SYNDIG1: variants seen among roughly 807,000 people sequenced by gnomAD.
The protein encoded by SYNDIG1 is synapse differentiation inducing 1, also known as synapse differentiation-inducing gene protein 1.
Under a neutral mutation model 19.4 loss-of-function variants are expected in SYNDIG1, and 9 were observed. That is an observed-to-expected ratio of 0.46 (90% confidence interval 0.28 to 0.81). SYNDIG1 has a LOEUF of 0.81. Ranked by LOEUF, SYNDIG1 falls within the 30% of genes least tolerant of loss-of-function variation. The pLI is 0.12. For synonymous variants in SYNDIG1, 141 were observed against 145.9 expected (o/e 0.97, Z 0.24); for missense variants, 311 against 343.3 (o/e 0.91, Z 0.74).
rs562410740 is a variant in SYNDIG1 at position 24,512,847 on chromosome 20, C to G, written c.-78-30173C>G. Reference sequence around the variant, plus strand: ...TGCCTCCTCAAGTGGGCCCCTGACCCCCGAGTAGCCTAACTGGGAGGCAAA... The same window carrying G: ...TGCCTCCTCAAGTGGGCCCCTGACCGCCGAGTAGCCTAACTGGGAGGCAAA... On this transcript the variant is annotated intron_variant, in intron 1 of 3. Transcript: ENST00000376862. Among the ~76,000 whole-genome samples, 6 of 152,314 alleles carry G rather than the reference C, an allele frequency of 3.9e-5. No homozygotes were observed. In the East Asian group the frequency reaches 1.2e-3, roughly 29 times the overall value.
chr20:24,565,984 G>C (rs1459301260), intron 2 of SYNDIG1, among the ~76,000 whole-genome samples: 2 of 152,116 alleles, frequency 1.3e-5, no homozygotes, highest in Admixed American at 6.5e-5. Context: ...GGACACAGTT[G>C]TCTTAGGTCA....
chr20:24,508,218 A>ATTTTT (rs34436263), intron 1 of SYNDIG1, among the ~76,000 whole-genome samples: 771 of 73,226 alleles, frequency 0.011, 177 homozygotes, highest in African/African-American at 0.024. Flanking sequence ...AAGGAGGATA[A>ATTTTT]TTTTTTTTTT....
chr20:24,650,132 C>T (rs530329523), intron 3 of SYNDIG1, among the ~76,000 whole-genome samples: 1 of 152,290 alleles, frequency 6.6e-6, no homozygotes, highest in South Asian at 2.1e-4. Flanking sequence ...GTTCAGAAAG[C>T]AAGTTCCACT....
intron 1 of SYNDIG1, among the ~76,000 whole-genome samples, chr20:24,514,498 T>C (rs971029908): frequency 6.6e-6 from 1 of 152,108 alleles, no homozygotes; most frequent in Non-Finnish European, 1.5e-5. Flanking sequence ...AAACAGACTT[T>C]AAACCAATGA....
intron 1 of SYNDIG1, among the ~76,000 whole-genome samples, chr20:24,494,281 A>G (rs2056238457): frequency 6.6e-6 from 1 of 152,188 alleles, no homozygotes; most frequent in Non-Finnish European, 1.5e-5. Context: ...GCACAGTGTC[A>G]GGGAAGCTGC....
At chr20:24,486,221 G>T (rs8122286) in intron 1 of SYNDIG1, among the ~76,000 whole-genome samples, 6,130 of 152,310 alleles carry the variant, frequency 0.04, 396 homozygotes, top group African/African-American at 0.14. Context: ...GTGAGGTTGG[G>T]TGTGGTGTGG....
chr20:24,624,786 C>T (rs1052223980), intron 3 of SYNDIG1, among the ~76,000 whole-genome samples: 2 of 152,034 alleles, frequency 1.3e-5, no homozygotes, highest in Non-Finnish European at 2.9e-5. Flanking sequence ...CAATATAGGC[C>T]ATATTCTGGG....
chr20:24,518,988 G>A (rs62215265), intron 1 of SYNDIG1, among the ~76,000 whole-genome samples: 78 of 152,266 alleles, frequency 5.1e-4, no homozygotes, highest in Middle Eastern at 3.4e-3. Context: ...CTAGGGCGGC[G>A]CAGCCCATTA....
chr20:24,489,251 G>A (rs6049730), intron 1 of SYNDIG1, among the ~76,000 whole-genome samples: 7 of 151,068 alleles, frequency 4.6e-5, no homozygotes, highest in African/African-American at 1.7e-4. Flanking sequence ...CACACACACA[G>A]ACACACATGC....
intron 1 of SYNDIG1, among the ~76,000 whole-genome samples, chr20:24,499,597 A>G (rs1159030477): frequency 6.6e-6 from 1 of 152,240 alleles, no homozygotes; most frequent in Non-Finnish European, 1.5e-5. Context: ...AAACACTTAC[A>G]GCAACTAATG....
chr20:24,471,307 G>A (rs1447033077), intron 1 of SYNDIG1, among the ~76,000 whole-genome samples: 1 of 152,072 alleles, frequency 6.6e-6, no homozygotes, highest in Non-Finnish European at 1.5e-5. Flanking sequence ...GCGGGCGGGG[G>A]GCAGTCTGAT....
At chr20:24,652,497 G>A (rs1187263524) in intron 3 of SYNDIG1, among the ~76,000 whole-genome samples, 3 of 152,158 alleles carry the variant, frequency 2.0e-5, no homozygotes, top group East Asian at 3.8e-4. Context: ...TCCAGCCCTC[G>A]GCCTGCTCAT....
chr20:24,598,172 G>A (rs1004851024), intron 3 of SYNDIG1, among the ~76,000 whole-genome samples: 3 of 152,166 alleles, frequency 2.0e-5, no homozygotes, highest in African/African-American at 4.8e-5. Flanking sequence ...TGCTGCAGAC[G>A]GGCACTGTGC....
chr20:24,471,335 C>G (rs111508739), intron 1 of SYNDIG1, among the ~76,000 whole-genome samples: 21 of 152,002 alleles, frequency 1.4e-4, no homozygotes, highest in African/African-American at 5.1e-4. Context: ...CTGGCGCGGA[C>G]AGGAAGAAAC....
At chr20:24,579,151 A>T (rs1393993256) in intron 2 of SYNDIG1, among the ~76,000 whole-genome samples, 1 of 152,196 alleles carries the variant, frequency 6.6e-6, no homozygotes, top group Non-Finnish European at 1.5e-5. Flanking sequence ...GAGTGGCGAG[A>T]ATGGAAAGAA....
At chr20:24,624,068 C>G (rs1036058133) in intron 3 of SYNDIG1, among the ~76,000 whole-genome samples, 1 of 152,174 alleles carries the variant, frequency 6.6e-6, no homozygotes, top group African/African-American at 2.4e-5. Flanking sequence ...CAAGACCATC[C>G]TAGCTAACAT....
chr20:24,512,131 AT>A (rs2056758420), intron 1 of SYNDIG1, among the ~76,000 whole-genome samples: 1 of 130,788 alleles, frequency 7.6e-6, no homozygotes, highest in Non-Finnish European at 1.6e-5. Flanking sequence ...ATATATATAT[AT>A]ATATATATAT....
chr20:24,645,162 G>A (rs946357943), intron 3 of SYNDIG1, among the ~76,000 whole-genome samples: 1 of 152,234 alleles, frequency 6.6e-6, no homozygotes, highest in African/African-American at 2.4e-5. Flanking sequence ...AATGAATGAT[G>A]TGGCGGTGCA....
intron 3 of SYNDIG1, among the ~76,000 whole-genome samples, chr20:24,599,643 GAT>G (rs1434756747): frequency 6.6e-6 from 1 of 152,152 alleles, no homozygotes; most frequent in South Asian, 2.1e-4. Context: ...AATGGAATAC[GAT>G]TTGGCCATAA....
Sources: gnomAD v4.1 joint callset for allele counts (sites outside exome capture counted in the v4.1 genomes callset) on GRCh38, gnomAD v4.1.1 for gene constraint, MANE v1.5 for transcripts, NCBI Gene and HGNC (gene_info 2026-07-23, HGNC 2026-07-21) for gene names.